The following PPHLN1 variants were observed in gnomAD, a reference collection of about 807,000 sequenced individuals.
PPHLN1 encodes the protein periphilin-1.
In PPHLN1, 29 loss-of-function variants were observed where a neutral mutation model predicts 51.3. That is an observed-to-expected ratio of 0.57 (90% CI 0.42 to 0.77). The LOEUF (loss-of-function observed/expected upper bound fraction) is 0.77, where lower values mean the gene tolerates loss of function less well. Among genes scored for constraint, PPHLN1 ranks in the 30% least tolerant of loss-of-function variants. The pLI is 0.00. For missense variants in PPHLN1, 436 were observed against 438.4 expected, an observed-to-expected ratio of 0.99 and a Z score of 0.05; for synonymous variants, 147 against 147.8, an observed-to-expected ratio of 0.99 and a Z score of 0.04.
chr12:42,336,111 T>A (rs1027509708), intron 2 of PPHLN1, 137 bp downstream of exon 2: 14 of 466,916 alleles, frequency 3.0e-5, no homozygotes, highest in Non-Finnish European at 5.2e-5. Flanking sequence ...ATCAAGCTTA[T>A]CTTTTAAAAG....
intron 9 of PPHLN1, among the ~76,000 whole-genome samples, chr12:42,421,455 C>G (rs569791770): frequency 1.3e-5 from 2 of 152,254 alleles, no homozygotes; most frequent in Admixed American, 1.3e-4. Context: ...TCAAGCGATT[C>G]TCCTGTCTCA....
intron 9 of PPHLN1, among the ~76,000 whole-genome samples, chr12:42,416,449 T>A (rs1025451547): frequency 2.6e-5 from 4 of 152,176 alleles, no homozygotes; most frequent in African/African-American, 9.7e-5. Context: ...GGGCACAGTG[T>A]CCAACAATAC....
At chr12:42,398,725 GTTTTC>G (rs2078514691) in intron 8 of PPHLN1, 124 bp from the exon 9 acceptor site, 1 of 746,986 alleles carries the variant, frequency 1.3e-6, no homozygotes, top group Non-Finnish European at 2.0e-6. Context: ...AATGGAGAGA[GTTTTC>G]TTTTCTTAAA....
intron 9 of PPHLN1, among the ~76,000 whole-genome samples, chr12:42,424,739 GGCATACATTTTGA>G (rs1384223259): frequency 6.6e-6 from 1 of 152,000 alleles, no homozygotes; most frequent in Non-Finnish European, 1.5e-5. Flanking sequence ...AAGAGATTAT[GGCATACATTTTGA>G]AAGTCTCCCA....
intron 9 of PPHLN1, among the ~76,000 whole-genome samples, chr12:42,406,226 G>A (rs2079291774): frequency 6.6e-6 from 1 of 151,938 alleles, no homozygotes; most frequent in Non-Finnish European, 1.5e-5. Flanking sequence ...TGGGACTACA[G>A]GCACCCGCCA....
intron 9 of PPHLN1, chr12:42,431,792 T>TA: frequency 8.8e-7 from 1 of 1,140,720 alleles, no homozygotes; most frequent in South Asian, 1.2e-5. Context: ...TCGGGCTATT[T>TA]ATTGCCTTTT....
chr12:42,363,328 A>AT (rs886280459), intron 4 of PPHLN1, among the ~76,000 whole-genome samples: 2 of 119,174 alleles, frequency 1.7e-5, no homozygotes, highest in South Asian at 5.4e-4. Context: ...TAATTAATTA[A>AT]TTTAAAAAAA....
intron 2 of PPHLN1, 87 bp from the exon 3 acceptor site, chr12:42,351,798 G>T (rs1043330536): frequency 9.0e-6 from 10 of 1,115,128 alleles, no homozygotes; most frequent in Non-Finnish European, 1.1e-5. Context: ...TCGATTAAGG[G>T]TAAGAACTCC....
downstream of PPHLN1, chr12:42,442,707 C>T: frequency 1.2e-6 from 2 of 1,613,996 alleles, no homozygotes; most frequent in Non-Finnish European, 1.7e-6. Flanking sequence ...CACGACGGAA[C>T]CCCCGAAAAC....
chr12:42,363,005 C>A (rs924224781), intron 4 of PPHLN1, among the ~76,000 whole-genome samples: 1 of 152,142 alleles, frequency 6.6e-6, no homozygotes, highest in Non-Finnish European at 1.5e-5. Flanking sequence ...GTGACCCACA[C>A]CCACTGCATG....
intron 9 of PPHLN1, among the ~76,000 whole-genome samples, chr12:42,425,532 G>T (rs534496698): frequency 1.3e-5 from 2 of 151,760 alleles, no homozygotes; most frequent in South Asian, 2.1e-4. Flanking sequence ...GATTACAGGC[G>T]CATGCCACCA....
Position 42,415,058 on chromosome 12 carries a change from A to G in PPHLN1, c.909+16064A>G, listed in dbSNP as rs765008655. 7.9e-5 allele frequency among the ~76,000 whole-genome samples: 12 copies of G among 152,352 alleles called. No individual in the cohort carries two copies. The East Asian group carries it at 1.9e-3, about 24-fold the overall frequency. ...TTATATTTTGCGGTTGTGAGCTTAT[A>G]TTCAGAATTTTAAGTATGTGTGAAC... is the stretch of plus-strand genomic sequence containing the variant. On this transcript the variant is annotated intron_variant, in intron 9 of 9. Transcript: ENST00000358314.
chr12:42,406,747 C>A (rs143782143), intron 9 of PPHLN1, among the ~76,000 whole-genome samples: 3 of 151,746 alleles, frequency 2.0e-5, no homozygotes, highest in Non-Finnish European at 4.4e-5. Flanking sequence ...AATAAAAGTT[C>A]TTAATTTTAT....
chr12:42,383,829 A>G (rs556621879), intron 5 of PPHLN1, among the ~76,000 whole-genome samples: 2 of 151,962 alleles, frequency 1.3e-5, no homozygotes, highest in Non-Finnish European at 2.9e-5. Flanking sequence ...AAAATACAAA[A>G]AAAAATTAGC....
chr12:42,385,167 T>C (rs539724621), intron 6 of PPHLN1, among the ~76,000 whole-genome samples, 171 bp downstream of exon 6: 1 of 152,296 alleles, frequency 6.6e-6, no homozygotes, highest in South Asian at 2.1e-4. Context: ...TGGGCTGGTA[T>C]CTGGGCTAGC....
At chr12:42,389,660 T>C (rs1314215930) in intron 7 of PPHLN1, among the ~76,000 whole-genome samples, 1 of 152,204 alleles carries the variant, frequency 6.6e-6, no homozygotes, top group Non-Finnish European at 1.5e-5. Flanking sequence ...TCTCACTGAA[T>C]TTTTAACACA....
chr12:42,329,318 T>G (rs372612824), intron 1 of PPHLN1, among the ~76,000 whole-genome samples: 195 of 151,988 alleles, frequency 1.3e-3, no homozygotes, highest in South Asian at 3.5e-3. Context: ...TGTTAGCCAG[T>G]ATGGTCTCGA....
At chr12:42,378,483 AATTAGCC>A (rs1312255709) in intron 5 of PPHLN1, among the ~76,000 whole-genome samples, 1 of 152,126 alleles carries the variant, frequency 6.6e-6, no homozygotes, top group African/African-American at 2.4e-5. Flanking sequence ...AAGCTGGGAT[AATTAGCC>A]ACGTGTTAAA....
At chr12:42,344,350 A>G (rs1866050059) in intron 2 of PPHLN1, among the ~76,000 whole-genome samples, 1 of 152,212 alleles carries the variant, frequency 6.6e-6, no homozygotes, top group African/African-American at 2.4e-5. Flanking sequence ...GCATATAATA[A>G]CACACATTAA....
Sources: allele counts gnomAD v4.1 joint callset (sites outside exome capture counted in the v4.1 genomes callset), GRCh38; gene constraint gnomAD v4.1.1; transcripts MANE v1.5; gene names NCBI Gene and HGNC (gene_info 2026-07-23, HGNC 2026-07-21).